The following LAMA4 variants were observed in gnomAD, a reference collection of about 807,000 sequenced individuals.
LAMA4 encodes laminin subunit alpha-4.
Under a neutral mutation model 207.1 loss-of-function variants are expected in LAMA4, and 127 were observed. The observed-to-expected ratio is 0.61, with a 90% CI of 0.53 to 0.71. The LOEUF (loss-of-function observed/expected upper bound fraction) is 0.71. LAMA4 is among the 30% of genes least tolerant of loss of function. The pLI, the probability that LAMA4 is intolerant of heterozygous loss-of-function variation, is 0.00. For missense variants in LAMA4, 2,093 were observed against 2,246.5 expected (o/e 0.93, Z 1.38); for synonymous variants, 761 against 816.0 (o/e 0.93, Z 1.15).
chr6:112,109,295 G>A lies in LAMA4; in HGVS notation c.*142C>T, dbSNP rs1396208648. 49 of 864,984 alleles carry A rather than the reference G, an allele frequency of 5.7e-5. No individual in the cohort carries two copies. In the East Asian group the frequency reaches 1.1e-3, roughly 20 times the overall value. 53.6% of individuals were successfully genotyped at this position (864,984 alleles called of 1,614,324 possible). A position where few individuals can be genotyped will look rare whatever the true frequency, so the allele number is the denominator to read the frequency against. Reference sequence around the variant, plus strand: ...TCCAAATGAGAAATAAGAAATATCCGGTCCCTGATGATTCGTTTAAGTCCT... The same window carrying A: ...TCCAAATGAGAAATAAGAAATATCCAGTCCCTGATGATTCGTTTAAGTCCT... On this transcript the variant is annotated 3_prime_UTR_variant, in exon 39 of 39. Transcript: ENST00000230538.
intron 5 of LAMA4, among the ~76,000 whole-genome samples, 166 bp downstream of exon 5, chr6:112,201,442 G>A (rs1286702657): frequency 6.6e-6 from 1 of 152,190 alleles, no homozygotes; most frequent in African/African-American, 2.4e-5. Context: ...TCTGGGGGAT[G>A]GGATTTAGGA....
rs1035158931 is a variant in LAMA4, at chr6:112,254,370, C to T, written c.-141-79G>A. On this transcript the variant is annotated intron_variant, in intron 1 of 38. Coordinates refer to ENST00000230538, the MANE Select transcript of LAMA4 (RefSeq NM_001105206.3). ...CCCTCTCTCTCTCTCCCCTTCTCCCCCTCTCTCTCCCTCTCCCTCTCCCTC... is the reference window on the plus strand; with the variant it reads ...CCCTCTCTCTCTCTCCCCTTCTCCCTCTCTCTCTCCCTCTCCCTCTCCCTC... The T allele has an allele frequency of 8.3e-6, 5 of 599,210 alleles. No individual in the cohort carries two copies. The East Asian group carries it at 1.1e-4, about 14-fold the overall frequency. 37.1% of individuals were successfully genotyped at this position (599,210 alleles called of 1,614,324 possible). A position where few individuals can be genotyped will look rare whatever the true frequency, so the allele number is the denominator to read the frequency against.
chr6:112,139,973 CAAGGA>C, intron 22 of LAMA4, 88 bp from the exon 23 acceptor site: 6 of 1,291,146 alleles, frequency 4.6e-6, no homozygotes, highest in African/African-American at 1.5e-5. Flanking sequence ...AATAGTAGGT[CAAGGA>C]GACCTACCCC....
In LAMA4 at chr6:112,187,294, T is replaced by C. The variant is rs533874603; in HGVS notation, c.966+156A>G. ...ACAATCAACTTTTCATAATTTCCTA[T>C]GAAATTACTTATGTTTTCTATGTTA... On this transcript the variant is annotated intron_variant, in intron 8 of 38. Transcript: ENST00000230538. 9 of 857,530 alleles carry C rather than the reference T, an allele frequency of 1.0e-5. No homozygotes were observed. In the African/African-American group the frequency reaches 1.3e-4, roughly 13 times the overall value. 53.1% of individuals were successfully genotyped at this position (857,530 alleles called of 1,614,324 possible).
chr6:112,171,388 C>T (rs782571552), intron 12 of LAMA4, among the ~76,000 whole-genome samples: 7 of 151,858 alleles, frequency 4.6e-5, no homozygotes, highest in Admixed American at 3.9e-4. Flanking sequence ...GCTGCTCTGG[C>T]AGGGTGGAGA....
intron 24 of LAMA4, among the ~76,000 whole-genome samples, chr6:112,138,628 T>C (rs1554332192): frequency 1.3e-5 from 2 of 152,086 alleles, no homozygotes; most frequent in Non-Finnish European, 2.9e-5. Context: ...CTTTATATAA[T>C]TTGTCCTTTA....
intron 3 of LAMA4, among the ~76,000 whole-genome samples, chr6:112,208,215 C>T (rs2115028928): frequency 6.6e-6 from 1 of 152,232 alleles, no homozygotes; most frequent in South Asian, 2.1e-4. Flanking sequence ...GAGCAATTGC[C>T]TTAGTCACAC....
Position 112,143,337 on chromosome 6 carries a change from T to C in LAMA4, c.2494-1045A>G, listed in dbSNP as rs59376836. ...AGTCTCACTGTCACCCAGGCCGGAG[T>C]GCAGTAGCACAATGTCAGCTCACTG... On this transcript the variant is annotated intron_variant, in intron 19 of 38. Transcript: ENST00000230538. 1.7e-3 allele frequency among the ~76,000 whole-genome samples: 247 copies of C among 145,898 alleles called. 4 individuals carry two copies. Among genetic ancestry groups the C allele is most frequent in the African/African-American group, 6.2e-3 (241 of 38,720 alleles).
chr6:112,242,936 G>A (rs1441017034), intron 2 of LAMA4, among the ~76,000 whole-genome samples: 2 of 152,070 alleles, frequency 1.3e-5, no homozygotes, highest in Non-Finnish European at 2.9e-5. Context: ...TCTCCTCTCT[G>A]GACCCTCTGC....
chr6:112,222,044 G>A (rs1407976418), intron 2 of LAMA4, among the ~76,000 whole-genome samples: 1 of 152,106 alleles, frequency 6.6e-6, no homozygotes, highest in Non-Finnish European at 1.5e-5. Context: ...TTCAGATCAG[G>A]CTTAACATGT....
At chr6:112,155,005 T>C (rs1196206136) in intron 15 of LAMA4, 58 bp from the exon 16 acceptor site, 4 of 1,145,904 alleles carry the variant, frequency 3.5e-6, no homozygotes, top group African/African-American at 3.0e-5. Flanking sequence ...CAGCTATTCA[T>C]AGTTGAAGGA....
chr6:112,128,786 T>C, intron 31 of LAMA4, 136 bp downstream of exon 31: 1 of 708,500 alleles, frequency 1.4e-6, no homozygotes, highest in Non-Finnish European at 2.4e-6. Flanking sequence ...CTAGAATATG[T>C]GATACTGCAA....
intron 3 of LAMA4, 72 bp downstream of exon 3, chr6:112,216,296 A>T (rs2068770): frequency 9.4e-7 from 1 of 1,063,554 alleles, no homozygotes; most frequent in Non-Finnish European, 1.5e-6. Flanking sequence ...AACATCCGAA[A>T]AATATTTTAT....
intron 13 of LAMA4, among the ~76,000 whole-genome samples, chr6:112,164,934 T>C (rs557427785): frequency 6.6e-6 from 1 of 152,354 alleles, no homozygotes; most frequent in South Asian, 2.1e-4. Context: ...CTAATGTGAC[T>C]GAAGAATTAA....
At chr6:112,150,657 G>T in intron 16 of LAMA4, 30 bp from the exon 17 acceptor site, 1 of 1,488,100 alleles carries the variant, frequency 6.7e-7, no homozygotes, top group Non-Finnish European at 9.4e-7. Flanking sequence ...AGAAGTACTA[G>T]TGGAGCCAAG....
intron 17 of LAMA4, among the ~76,000 whole-genome samples, chr6:112,149,882 G>A (rs1780271568): frequency 6.6e-6 from 1 of 152,164 alleles, no homozygotes; most frequent in African/African-American, 2.4e-5. Flanking sequence ...CCCATATGCT[G>A]CACTAGTTTT....
chr6:112,244,100 A>G (rs1786731732), intron 2 of LAMA4, among the ~76,000 whole-genome samples: 1 of 152,216 alleles, frequency 6.6e-6, no homozygotes, highest in South Asian at 2.1e-4. Context: ...TCAGTCCATT[A>G]AAACAATTGA....
At chr6:112,229,407 C>T (rs1785417945) in intron 2 of LAMA4, among the ~76,000 whole-genome samples, 1 of 152,158 alleles carries the variant, frequency 6.6e-6, no homozygotes, top group Non-Finnish European at 1.5e-5. Flanking sequence ...CCCATTATCT[C>T]CTCCAACATC....
Position 112,215,545 on chromosome 6 carries a change from G to A in LAMA4, c.297+823C>T, listed in dbSNP as rs1784576464. Among the ~76,000 whole-genome samples the A allele has an allele frequency of 2.0e-5, 3 of 152,206 alleles. No individual in the cohort carries two copies. In the South Asian group the frequency reaches 6.2e-4, roughly 32 times the overall value. On this transcript the variant is annotated intron_variant, in intron 3 of 38. Transcript: ENST00000230538. Reference sequence around the variant, plus strand: ...TGGAAAACCTCTTTTTGCCAGATGGGAACTTGAAGAATTTTTCTGCTGTAT... The same window carrying A: ...TGGAAAACCTCTTTTTGCCAGATGGAAACTTGAAGAATTTTTCTGCTGTAT...
Sources: allele counts gnomAD v4.1 joint callset (sites outside exome capture counted in the v4.1 genomes callset), GRCh38; gene constraint gnomAD v4.1.1; transcripts MANE v1.5; gene names NCBI Gene and HGNC (gene_info 2026-07-23, HGNC 2026-07-21).